CNGB1: variants seen among roughly 807,000 people sequenced by gnomAD.
CNGB1 encodes cyclic nucleotide-gated channel beta-1.
CNGB1 carries 126 observed loss-of-function variants against 151.7 expected under a neutral mutation model. The observed-to-expected ratio is 0.83, with a 90% CI of 0.72 to 0.96. The LOEUF (loss-of-function observed/expected upper bound fraction) is 0.96, where lower values mean the gene tolerates loss of function less well. Among genes scored for constraint, CNGB1 ranks in the 40% least tolerant of loss-of-function variants. CNGB1 has a pLI of 0.00. For missense variants in CNGB1, 1,698 were observed against 1,627.0 expected (o/e 1.04, Z -0.75); for synonymous variants, 623 against 635.1 (o/e 0.98, Z 0.29).
intron 12 of CNGB1, 100 bp from the exon 13 acceptor site, chr16:57,950,640 G>T: frequency 7.7e-7 from 1 of 1,298,966 alleles, no homozygotes; most frequent in Non-Finnish European, 1.1e-6. Context: ...GCTGTCGCCA[G>T]CAGTGCCTCA....
intron 31 of CNGB1, among the ~76,000 whole-genome samples, chr16:57,893,996 C>T (rs773023330): frequency 2.8e-4 from 43 of 152,148 alleles, no homozygotes; most frequent in Non-Finnish European, 5.3e-4. Flanking sequence ...CGTTGCCTGT[C>T]GCTCAATTTG....
chr16:57,942,862 C>CAAA (rs77562880), intron 14 of CNGB1, among the ~76,000 whole-genome samples: 2 of 105,910 alleles, frequency 1.9e-5, no homozygotes, highest in African/African-American at 6.4e-5. Context: ...GACCCTGTCT[C>CAAA]AAAAAAAAAA....
In CNGB1 at chr16:57,901,638, C is replaced by T. The variant is rs940915867; in HGVS notation, c.2795-13G>A. ...AGCTCTGACTCATCTGTGAACAAGG[C>T]CTGGCAAGGGTCAGAGGCAAGGCCG... On this transcript the variant is annotated splice_polypyrimidine_tract_variant and intron_variant, in intron 27 of 32. Coordinates refer to ENST00000251102, the MANE Select transcript of CNGB1 (RefSeq NM_001297.5). 1 of 1,611,976 alleles carries T rather than the reference C, an allele frequency of 6.2e-7. No individual in the cohort carries two copies. The highest frequency in any genetic ancestry group is 8.5e-7 in the Non-Finnish European group (1 of 1,178,924).
At chr16:57,900,574 GC>G (rs1256611264) in intron 29 of CNGB1, among the ~76,000 whole-genome samples, 1 of 152,138 alleles carries the variant, frequency 6.6e-6, no homozygotes, top group African/African-American at 2.4e-5. Flanking sequence ...ACATTGTCAG[GC>G]CCCAGGATTC....
intron 2 of CNGB1, among the ~76,000 whole-genome samples, chr16:57,966,622 T>C (rs918833136): frequency 3.9e-5 from 6 of 152,192 alleles, no homozygotes; most frequent in Non-Finnish European, 8.8e-5. Context: ...TGTACTTAGC[T>C]ACAGAGTAGA....
intron 29 of CNGB1, among the ~76,000 whole-genome samples, chr16:57,899,390 A>G (rs1392847078): frequency 6.6e-6 from 1 of 152,220 alleles, no homozygotes; most frequent in Admixed American, 6.5e-5. Flanking sequence ...CTGTAATCCC[A>G]GTACTTTGGG....
At position 57,912,971 on chromosome 16, in the gene CNGB1, G is replaced by A. The variant is rs1960771994; in HGVS notation, c.2328C>T (p.Asn776=). ...TGCTGAGGATGGATTCCAGGCGGCT[G>A]TTAAACTCGAAGAAGGCCATGTACT... ...CLKYMAFFEF[N]SRLESILSKA... The change falls in exon 24 of 33, where the codon AAC becomes AAT. Residue 776 remains asparagine (N), a synonymous_variant. Transcript: ENST00000251102. The A allele has an allele frequency of 1.2e-6, 2 of 1,613,916 alleles. No homozygotes were observed. Among genetic ancestry groups the A allele is most frequent in the Admixed American group, 1.7e-5 (1 of 60,004 alleles).
intron 31 of CNGB1, 93 bp downstream of exon 31, chr16:57,897,304 A>G: frequency 9.2e-7 from 1 of 1,092,670 alleles, no homozygotes; most frequent in South Asian, 1.8e-5. Flanking sequence ...GTCATCTCAA[A>G]AAAAAAAAAA....
rs559864903 is a variant in CNGB1, at chr16:57,893,960, C to T, written c.3242+3437G>A. ...ATCTGAGCCCCGCCAGCCTCCCAGA[C>T]CTATTGTGGGGTTCCTGACACACTA... On this transcript the variant is annotated intron_variant, in intron 31 of 32. Transcript: ENST00000251102. 2.6e-5 allele frequency among the ~76,000 whole-genome samples: 4 copies of T among 152,288 alleles called. No individual in the cohort carries two copies. In the East Asian group the frequency reaches 5.8e-4, roughly 22 times the overall value.
chr16:57,958,500 G>A lies in CNGB1; in HGVS notation c.762-15C>T, dbSNP rs764316598. The A allele has an allele frequency of 3.1e-6, 5 of 1,612,614 alleles. No homozygotes were observed. In the South Asian group the frequency reaches 4.4e-5, roughly 14 times the overall value. ...ATGCCACCAGCCTGCAGGTGGGAGA[G>A]AGTGTGCGGTGTCCAGGTGGGAAGG... is the stretch of plus-strand genomic sequence containing the variant. On this transcript the variant is annotated splice_polypyrimidine_tract_variant and intron_variant, in intron 10 of 32. Coordinates refer to ENST00000251102, the MANE Select transcript of CNGB1 (RefSeq NM_001297.5).
chr16:57,967,494 G>A lies in CNGB1; in HGVS notation c.-8-200C>T, dbSNP rs1364712887. The A allele has an allele frequency of 8.5e-6, 5 of 585,854 alleles. No homozygotes were observed. In the East Asian group the frequency reaches 1.5e-4, roughly 18 times the overall value. 36.3% of individuals were successfully genotyped at this position (585,854 alleles called of 1,614,324 possible). ...CGATTGCTTGAATCCAGGAGTTTGAGATCAGCCTGGGCAAGACAGCGAGAC... is the reference window on the plus strand; with the variant it reads ...CGATTGCTTGAATCCAGGAGTTTGAAATCAGCCTGGGCAAGACAGCGAGAC... On this transcript the variant is annotated intron_variant, in intron 1 of 32. Coordinates refer to ENST00000251102, the MANE Select transcript of CNGB1 (RefSeq NM_001297.5).
At chr16:57,941,602 A>G (rs967700803) in intron 14 of CNGB1, among the ~76,000 whole-genome samples, 2 of 152,232 alleles carry the variant, frequency 1.3e-5, no homozygotes, top group African/African-American at 4.8e-5. Context: ...ACAAAATCAT[A>G]TGATCATCTC....
intron 26 of CNGB1, 90 bp from the exon 27 acceptor site, chr16:57,904,071 A>G (rs1960467931): frequency 2.4e-6 from 3 of 1,233,236 alleles, no homozygotes; most frequent in Non-Finnish European, 3.5e-6. Flanking sequence ...CACTTCACAC[A>G]GACCACGGGC....
At chr16:57,946,139 A>G (rs1347922751) in intron 14 of CNGB1, among the ~76,000 whole-genome samples, 1 of 152,166 alleles carries the variant, frequency 6.6e-6, no homozygotes, top group Non-Finnish European at 1.5e-5. Context: ...AAGCAAAGGA[A>G]CAGACAGATT....
rs778350017 is a variant in CNGB1, at chr16:57,939,551, A to G, written c.1251T>C (p.Ala417=). ...EEVGEEAKKE[A]EEKAKEEAEE... is the part of the protein sequence containing the mutation. ...CGGCCTCCTCCTTGGCCTTCTCTTC[A>G]GCCTCCTTCTTGGCCTCCTCCCCAA... Residue 417 remains alanine, a synonymous_variant, in exon 16 of 33, where the codon GCT becomes GCC. Transcript: ENST00000251102. 2 of 1,614,012 alleles carry G rather than the reference A, an allele frequency of 1.2e-6. No individual in the cohort carries two copies. The highest frequency in any genetic ancestry group is 1.7e-6 in the Non-Finnish European group (2 of 1,179,966).
chr16:57,958,283 C>A, intron 11 of CNGB1, 127 bp downstream of exon 11: 1 of 514,724 alleles, frequency 1.9e-6, no homozygotes, highest in Non-Finnish European at 3.2e-6. Context: ...TGAACGTGGG[C>A]CATGCAGACA....
In CNGB1 at chr16:57,967,211, C is replaced by T. The variant is rs1962421870; in HGVS notation, c.76G>A (p.Glu26Lys). ...TCCATCTCTGGCTCTGGTTCCACTTCCTCTTCCTCCTGCATCTTGGTCTTC... is the reference window on the plus strand; with the variant it reads ...TCCATCTCTGGCTCTGGTTCCACTTTCTCTTCCTCCTGCATCTTGGTCTTC... ...PRKTKMQEEE[E>K]VEPEPEMEAE... The change falls in exon 2 of 33, where the codon GAA becomes AAA. Residue 26 changes from glutamate to lysine, a missense_variant. Transcript: ENST00000251102. 1 of 1,614,188 alleles carries T rather than the reference C, an allele frequency of 6.2e-7. No individual in the cohort carries two copies. Among genetic ancestry groups the T allele is most frequent in the Non-Finnish European group, 8.5e-7 (1 of 1,180,050 alleles).
intron 16 of CNGB1, among the ~76,000 whole-genome samples, chr16:57,933,785 T>C (rs181517685): frequency 1.6e-3 from 237 of 148,740 alleles, no homozygotes; most frequent in Admixed American, 2.6e-3. Flanking sequence ...TATAGTGGTG[T>C]GATCTCGGCT....
chr16:57,963,706 C>T (rs1962318499), intron 4 of CNGB1, among the ~76,000 whole-genome samples: 1 of 152,172 alleles, frequency 6.6e-6, no homozygotes, highest in African/African-American at 2.4e-5. Flanking sequence ...CTGCATCTCA[C>T]CCAAGCACTG....
Sources: gnomAD v4.1 joint callset for allele counts (sites outside exome capture counted in the v4.1 genomes callset) on GRCh38, gnomAD v4.1.1 for gene constraint, MANE v1.5 for transcripts, NCBI Gene and HGNC (gene_info 2026-07-23, HGNC 2026-07-21) for gene names.